ZFHX4: variants seen among roughly 807,000 people sequenced by gnomAD.
The protein encoded by ZFHX4 is zinc finger homeobox 4.
ZFHX4 carries 56 observed loss-of-function variants against 267.6 expected under a neutral mutation model. The ratio of observed to expected loss-of-function variants is 0.21; its 90% CI spans 0.17 to 0.26. The LOEUF (loss-of-function observed/expected upper bound fraction) is 0.26, where lower values mean the gene tolerates loss of function less well. Among genes scored for constraint, ZFHX4 ranks in the 10% least tolerant of loss-of-function variants. The pLI is 1.00. For synonymous variants in ZFHX4, 1,778 were observed against 1,665.6 expected, an observed-to-expected ratio of 1.07 and a Z score of -1.64; for missense variants, 4,332 against 4,420.0, an observed-to-expected ratio of 0.98 and a Z score of 0.56.
chr8:76,859,318 T>C (rs1193128838), intron 10 of ZFHX4, among the ~76,000 whole-genome samples: 2 of 152,168 alleles, frequency 1.3e-5, no homozygotes. Flanking sequence ...CTACCTACTA[T>C]TGCTTTGCTC....
chr8:76,742,304 TTGAC>T (rs1360647377), intron 3 of ZFHX4, among the ~76,000 whole-genome samples: 10 of 152,160 alleles, frequency 6.6e-5, no homozygotes, highest in African/African-American at 2.4e-4. Flanking sequence ...TTTTCTTTCT[TTGAC>T]TATTGTTTTA....
chr8:76,703,376 T>C (rs895889278), intron 1 of ZFHX4, among the ~76,000 whole-genome samples: 4 of 152,178 alleles, frequency 2.6e-5, no homozygotes, highest in African/African-American at 7.2e-5. Context: ...CTGTTGCCCA[T>C]TGAGGTGACT....
Position 76,864,322 on chromosome 8 carries a change from G to T in ZFHX4, c.10608G>T (p.Arg3536Ser). ...ATATCCTTTTCCAAGCGTCTGCCAG[G>T]AGAGCTGCTTCTCCCCCTTCTTCTC... ...WPNILFQASA[R>S]RAASPPSSPP... Residue 3536 changes from arginine to serine, a missense_variant, in exon 11 of 11, where the codon AGG (arginine) becomes AGT (serine). Transcript: ENST00000651372. 1 of 1,613,780 alleles carries T rather than the reference G, an allele frequency of 6.2e-7. No individual in the cohort carries two copies. The highest frequency in any genetic ancestry group is 8.5e-7 in the Non-Finnish European group (1 of 1,179,854).
chr8:76,851,652 C>T lies in ZFHX4; in HGVS notation c.4731C>T (p.Ser1577=). The part of the protein sequence containing the change: ...HKLKKVLQEA[S]SPVPQETNSN... The stretch of plus-strand genomic sequence containing the variant: ...TGAAAAAAGTTTTGCAGGAAGCCTC[C>T]AGTCCTGTCCCACAAGAAACCAACA... The change falls in exon 10 of 11, where the codon TCC becomes TCT. Residue 1577 remains serine, a synonymous_variant. Coordinates refer to ENST00000651372, the MANE Select transcript of ZFHX4 (RefSeq NM_024721.5). 1.9e-6 allele frequency: 3 copies of T among 1,613,868 alleles called. No individual in the cohort carries two copies. Among genetic ancestry groups the T allele is most frequent in the Non-Finnish European group, 1.7e-6 (2 of 1,179,850 alleles).
At position 76,705,184 on chromosome 8, in the gene ZFHX4, G is replaced by A. The variant is rs1317244615; in HGVS notation, c.1096G>A (p.Ala366Thr). 1 of 1,613,846 alleles carries A rather than the reference G, an allele frequency of 6.2e-7. No homozygotes were observed. Among genetic ancestry groups the A allele is most frequent in the Admixed American group, 1.7e-5 (1 of 60,016 alleles). Reference sequence around the variant, plus strand: ...TCCAACCTTCCGCGGTTTATGGAGCGCTTTTCATGTTGAAAATGGTGACTC... The same window carrying A: ...TCCAACCTTCCGCGGTTTATGGAGCACTTTTCATGTTGAAAATGGTGACTC... The part of the protein sequence containing the change: ...PDPTFRGLWS[A>T]FHVENGDSLP... The change falls in exon 2 of 11, where the codon GCT becomes ACT. Residue 366 changes from alanine to threonine, a missense_variant. Physicochemically the swap from Ala to Thr is moderately conservative, Grantham distance 58. Coordinates refer to ENST00000651372, the MANE Select transcript of ZFHX4 (RefSeq NM_024721.5).
At chr8:76,840,662 C>G (rs1313910149) in intron 5 of ZFHX4, among the ~76,000 whole-genome samples, 1 of 152,188 alleles carries the variant, frequency 6.6e-6, no homozygotes, top group African/African-American at 2.4e-5. Context: ...CTCAGTAGCA[C>G]TCTGACACTT....
chr8:76,772,780 T>G (rs531064095), intron 3 of ZFHX4, among the ~76,000 whole-genome samples: 1 of 152,162 alleles, frequency 6.6e-6, no homozygotes, highest in African/African-American at 2.4e-5. Context: ...TTTCCTTTAG[T>G]GCATTAGACA....
chr8:76,837,564 A>C (rs1812124555), intron 5 of ZFHX4, among the ~76,000 whole-genome samples: 1 of 151,658 alleles, frequency 6.6e-6, no homozygotes, highest in African/African-American at 2.4e-5. Context: ...TATTAAAGGG[A>C]AATAGGGGCT....
At chr8:76,797,912 G>GTGTC (rs1554565996) in intron 4 of ZFHX4, among the ~76,000 whole-genome samples, 2 of 151,132 alleles carry the variant, frequency 1.3e-5, no homozygotes, top group East Asian at 3.9e-4. Flanking sequence ...GTGTGTGTGT[G>GTGTC]TGTGTGTCTG....
intron 2 of ZFHX4, 67 bp from the exon 3 acceptor site, chr8:76,707,479 A>T: frequency 7.3e-7 from 1 of 1,364,762 alleles, no homozygotes; most frequent in Non-Finnish European, 9.7e-7. Flanking sequence ...ACTTTATTTT[A>T]CAGATTCCTT....
chr8:76,852,704 G>C lies in ZFHX4; in HGVS notation c.5783G>C (p.Arg1928Thr), dbSNP rs376628744. ...FELVIQYNEN[R>T]QKVQKKGKSG... ...CTGGTCATTCAGTATAACGAAAACA[G>C]GCAGAAGGTACAGAAGAAGGGCAAA... Residue 1928 changes from arginine (R) to threonine (T), a missense_variant, in exon 10 of 11, where the codon AGG becomes ACG. Transcript: ENST00000651372. 1 of 1,613,750 alleles carries C rather than the reference G, an allele frequency of 6.2e-7. No homozygotes were observed. The highest frequency in any genetic ancestry group is 1.3e-5 in the African/African-American group (1 of 74,896).
chr8:76,793,261 A>T (rs575058875), intron 4 of ZFHX4, among the ~76,000 whole-genome samples: 1 of 152,282 alleles, frequency 6.6e-6, no homozygotes, highest in South Asian at 2.1e-4. Flanking sequence ...TTAAGGAAAA[A>T]AAAAGAGTAC....
chr8:76,699,684 T>C (rs1808050955), intron 1 of ZFHX4, among the ~76,000 whole-genome samples: 1 of 148,510 alleles, frequency 6.7e-6, no homozygotes, highest in African/African-American at 2.5e-5. Context: ...AAAAGTGAGG[T>C]AGCGATAGTG....
intron 1 of ZFHX4, among the ~76,000 whole-genome samples, chr8:76,696,651 A>C (rs1047617984): frequency 1.2e-4 from 17 of 147,368 alleles, no homozygotes; most frequent in Non-Finnish European, 2.2e-4. Context: ...AAAAAAAAAA[A>C]CTCAAATAAA....
intron 4 of ZFHX4, among the ~76,000 whole-genome samples, chr8:76,808,383 C>T (rs1170626349): frequency 1.3e-5 from 2 of 152,038 alleles, no homozygotes; most frequent in Non-Finnish European, 2.9e-5. Flanking sequence ...TTTCCTATAT[C>T]TTTTAATTCT....
intron 4 of ZFHX4, among the ~76,000 whole-genome samples, chr8:76,810,670 A>G (rs1172050246): frequency 6.6e-6 from 1 of 152,172 alleles, no homozygotes; most frequent in Non-Finnish European, 1.5e-5. Flanking sequence ...GGCAGATGTT[A>G]ATAATCAGCT....
rs1252835321 is a variant in ZFHX4 at position 76,865,837 on chromosome 8, C to T, written c.*1272C>T. 1.3e-5 allele frequency: 2 copies of T among 152,516 alleles called. No homozygotes were observed. The highest frequency in any genetic ancestry group is 6.6e-5 in the Admixed American group (1 of 15,246). 9.4% of individuals were successfully genotyped at this position (152,516 alleles called of 1,614,324 possible). The stretch of plus-strand genomic sequence containing the variant: ...ATTGTACTTCCATTCATACTCTGGG[C>T]ACTTGTGTTGTATTGTTCTGTTACA... On this transcript the variant is annotated 3_prime_UTR_variant, in exon 11 of 11. Coordinates refer to ENST00000651372, the MANE Select transcript of ZFHX4 (RefSeq NM_024721.5).
intron 3 of ZFHX4, among the ~76,000 whole-genome samples, chr8:76,715,591 C>A (rs1449842689): frequency 6.6e-6 from 1 of 150,720 alleles, no homozygotes; most frequent in Non-Finnish European, 1.5e-5. Flanking sequence ...TCTTGGGAAA[C>A]CTCTGTAAAT....
intron 3 of ZFHX4, among the ~76,000 whole-genome samples, chr8:76,771,178 C>G (rs1304676820): frequency 2.0e-5 from 3 of 152,064 alleles, no homozygotes; most frequent in Non-Finnish European, 2.9e-5. Context: ...GCATCTTTCT[C>G]CACCACATCT....
Sources: allele counts gnomAD v4.1 joint callset (sites outside exome capture counted in the v4.1 genomes callset), GRCh38; gene constraint gnomAD v4.1.1; transcripts MANE v1.5; gene names NCBI Gene and HGNC (gene_info 2026-07-23, HGNC 2026-07-21).